The following ARMCX4 variants were observed in gnomAD, a reference collection of about 807,000 sequenced individuals.
ARMCX4 encodes armadillo repeat-containing X-linked protein 4.
In ARMCX4, 3 loss-of-function variants were observed where a neutral mutation model predicts 34.7. The ratio of observed to expected loss-of-function variants is 0.09; its 90% confidence interval spans 0.04 to 0.22. ARMCX4 has a LOEUF of 0.22. Ranked by LOEUF, ARMCX4 falls within the 10% of genes least tolerant of loss-of-function variation. The pLI, the probability that ARMCX4 is intolerant of heterozygous loss-of-function variation, is 1.00. For missense variants in ARMCX4, 1,448 were observed against 1,720.8 expected, an observed-to-expected ratio of 0.84 and a Z score of 2.81; for synonymous variants, 513 against 632.8, an observed-to-expected ratio of 0.81 and a Z score of 2.84.
At position 101,495,313 on chromosome X, in the gene ARMCX4, G is replaced by T. The variant is rs1934153580; in HGVS notation, c.6724G>T (p.Ala2242Ser). 8.7e-7 allele frequency: 1 copy of T among 1,147,487 alleles called. No individual in the cohort carries two copies. 94.6% of individuals were successfully genotyped at this position (1,147,487 alleles called of 1,213,427 possible). The change falls in exon 6 of 6, where the codon GCA (alanine) becomes TCA (serine). Residue 2242 changes from alanine (A) to serine (S), a missense_variant. Coordinates refer to ENST00000423738, the MANE Select transcript of ARMCX4 (RefSeq NM_001256155.3). ...TTACCATTTTAAAAGAAGAGCAAAA[G>T]CATTTACCCAGGACAAATTCAGTAA... The part of the protein sequence containing the change: ...INYHFKRRAK[A>S]FTQDKFSKNS...
chrX:101,461,492 G>A (rs956620587), intron 4 of ARMCX4, among the ~76,000 whole-genome samples: 22 of 111,891 alleles, frequency 2.0e-4, no homozygotes, highest in African/African-American at 7.1e-4. Context: ...CTACCTTTTG[G>A]CTATTGTGAG....
intron 2 of ARMCX4, among the ~76,000 whole-genome samples, chrX:101,423,147 C>T (rs782259867): frequency 4.6e-5 from 5 of 109,141 alleles, no homozygotes; most frequent in East Asian, 6.0e-4. Flanking sequence ...TGACCTCAGG[C>T]GATCCACTGG....
chrX:101,518,383 T>A lies in ARMCX4; in HGVS notation c.*1780+7328T>A, dbSNP rs782687405. The stretch of plus-strand genomic sequence containing the variant: ...GATTGAGTGCAGTTATAGATAGTGG[T>A]TAAATGGTGACATTAGTAGGAAATA... On this transcript the variant is annotated intron_variant and NMD_transcript_variant, in intron 11 of 12. Coordinates refer to the ARMCX4 transcript ENST00000354842. Among the ~76,000 whole-genome samples the A allele has an allele frequency of 6.8e-4, 76 of 111,866 alleles. 2 individuals carry two copies. Among genetic ancestry groups the A allele is most frequent in the African/African-American group, 2.2e-3 (67 of 30,945 alleles).
intron 4 of ARMCX4, among the ~76,000 whole-genome samples, chrX:101,468,855 A>T (rs1196120038): frequency 1.8e-5 from 2 of 111,267 alleles, no homozygotes; most frequent in African/African-American, 6.5e-5. Context: ...AGTATTTTTC[A>T]TAGGCTTCAG....
At chrX:101,486,409 GC>G (rs1933718860) in intron 2 of ARMCX4, among the ~76,000 whole-genome samples, 1 of 110,651 alleles carries the variant, frequency 9.0e-6, no homozygotes, top group Non-Finnish European at 1.9e-5. Flanking sequence ...TTTTGTAGAA[GC>G]AAAAGGCTTC....
intron 4 of ARMCX4, among the ~76,000 whole-genome samples, chrX:101,465,842 G>A (rs1034256403): frequency 1.3e-4 from 14 of 111,952 alleles, no homozygotes; most frequent in Admixed American, 3.8e-4. Context: ...ATAACACAGT[G>A]TATATCCTTT....
chrX:101,422,936 G>A (rs961546015), intron 2 of ARMCX4, among the ~76,000 whole-genome samples: 3 of 110,681 alleles, frequency 2.7e-5, no homozygotes, highest in African/African-American at 9.9e-5. Context: ...TTGAGACGGA[G>A]TCTCACTATG....
At chrX:101,499,664 TGCA>T (rs1220957776), downstream of ARMCX4, among the ~76,000 whole-genome samples, 1 of 111,998 alleles carries the variant, frequency 8.9e-6, no homozygotes, top group Non-Finnish European at 1.9e-5. Flanking sequence ...AATACCACAA[TGCA>T]CTGCAGGGTC....
At chrX:101,502,482 T>A (rs1359753132) in intron 7 of ARMCX4, among the ~76,000 whole-genome samples, 1 of 111,954 alleles carries the variant, frequency 8.9e-6, no homozygotes, top group Admixed American at 9.5e-5. Context: ...TTGAGGGCCT[T>A]TCCTGCCTTG....
chrX:101,432,996 A>ATACACGTG (rs1569314914), intron 2 of ARMCX4, among the ~76,000 whole-genome samples: 1 of 103,327 alleles, frequency 9.7e-6, no homozygotes, highest in African/African-American at 3.5e-5. Context: ...ACATGTATAC[A>ATACACGTG]TATATGTGTA....
In ARMCX4 at chrX:101,495,712, A is replaced by G. The variant is rs1421071909; in HGVS notation, c.*250A>G. 8 of 281,435 alleles carry G rather than the reference A, an allele frequency of 2.8e-5. No individual in the cohort carries two copies. Among genetic ancestry groups the G allele is most frequent in the African/African-American group, 1.9e-4 (7 of 36,441 alleles). 23.2% of individuals were successfully genotyped at this position (281,435 alleles called of 1,213,427 possible). A position where few individuals can be genotyped will look rare whatever the true frequency, so the allele number is the denominator to read the frequency against. ...AAACTGAATGGATTCTTCATAAGTA[A>G]GGTAATCTTTGGTCCTTTGTGTGGA... On this transcript the variant is annotated 3_prime_UTR_variant, in exon 6 of 6. Transcript: ENST00000423738.
chrX:101,422,682 GGAAAGAAACGCC>G (rs1202730198), intron 2 of ARMCX4, among the ~76,000 whole-genome samples: 4 of 110,915 alleles, frequency 3.6e-5, no homozygotes, highest in African/African-American at 1.3e-4. Context: ...CTAGTCCCCA[GGAAAGAAACGCC>G]TATGATCAAT....
chrX:101,525,014 C>T (rs147699834), intron 11 of ARMCX4, among the ~76,000 whole-genome samples: 3,926 of 111,754 alleles, frequency 0.035, 181 homozygotes, highest in African/African-American at 0.12. Context: ...CCCTGACTCC[C>T]GTGTAGCCTA....
intron 4 of ARMCX4, among the ~76,000 whole-genome samples, chrX:101,471,966 T>G (rs1391750523): frequency 4.1e-5 from 4 of 97,363 alleles, no homozygotes; most frequent in East Asian, 3.3e-4. Context: ...AGAATGACTT[T>G]GACGAGCTGA....
Position 101,490,843 on chromosome X carries a change from G to A in ARMCX4, c.2254G>A (p.Ala752Thr), listed in dbSNP as rs782550005. 3.1e-5 allele frequency: 34 copies of A among 1,106,381 alleles called. No homozygotes were observed. The highest frequency in any genetic ancestry group is 2.2e-4 in the South Asian group (11 of 49,338). 91.2% of individuals were successfully genotyped at this position (1,106,381 alleles called of 1,213,427 possible). ...TACAACAGACTCTGCCCGGCTCCAG[G>A]CTGTGGCCAATTCTCAGGGTGAGGT... is the stretch of plus-strand genomic sequence containing the variant. Reference protein sequence around the residue: ...PYTTDSARLQAVANSQGEVLP... With the variant: ...PYTTDSARLQTVANSQGEVLP... Residue 752 changes from alanine to threonine, a missense_variant, in exon 6 of 6, where the codon GCT becomes ACT. Coordinates refer to ENST00000423738, the MANE Select transcript of ARMCX4 (RefSeq NM_001256155.3).
At chrX:101,471,685 C>A (rs1932912885) in intron 4 of ARMCX4, among the ~76,000 whole-genome samples, 1 of 111,469 alleles carries the variant, frequency 9.0e-6, no homozygotes, top group Non-Finnish European at 1.9e-5. Context: ...AGGCACCCCC[C>A]AGCAGGGGCA....
At chrX:101,433,272 A>G (rs1234786731) in intron 2 of ARMCX4, among the ~76,000 whole-genome samples, 11 of 108,627 alleles carry the variant, frequency 1.0e-4, no homozygotes, top group Non-Finnish European at 1.5e-4. Context: ...ATATATGTAC[A>G]CATGTACGTA....
intron 4 of ARMCX4, among the ~76,000 whole-genome samples, chrX:101,464,058 T>A (rs1301026036): frequency 1.8e-5 from 2 of 109,740 alleles, no homozygotes; most frequent in African/African-American, 6.6e-5. Context: ...GCGCCCAGCC[T>A]ATTTTTTCTA....
At chrX:101,521,088 T>A (rs935259053) in intron 11 of ARMCX4, among the ~76,000 whole-genome samples, 5 of 108,871 alleles carry the variant, frequency 4.6e-5, no homozygotes, top group African/African-American at 1.7e-4. Context: ...CCTGCCACCA[T>A]GCCTGGCTAA....
Sources: allele counts gnomAD v4.1 joint callset (sites outside exome capture counted in the v4.1 genomes callset), GRCh38; gene constraint gnomAD v4.1.1; transcripts MANE v1.5; gene names NCBI Gene and HGNC (gene_info 2026-07-23, HGNC 2026-07-21).